Variants in CHRM5 observed in about 807,000 individuals in gnomAD.
The protein encoded by CHRM5 is cholinergic receptor muscarinic 5.
Under a neutral mutation model 39.0 loss-of-function variants are expected in CHRM5, and 18 were observed. The ratio of observed to expected loss-of-function variants is 0.46; its 90% CI spans 0.32 to 0.68. CHRM5 has a LOEUF of 0.68. Among genes scored for constraint, CHRM5 ranks in the 30% least tolerant of loss-of-function variants. CHRM5 has a pLI of 0.04. For synonymous variants in CHRM5, 241 were observed against 246.3 expected, an observed-to-expected ratio of 0.98 and a Z score of 0.20; for missense variants, 515 against 651.1, an observed-to-expected ratio of 0.79 and a Z score of 2.28.
intron 1 of CHRM5, among the ~76,000 whole-genome samples, chr15:33,980,448 G>A (rs79175788): frequency 1.3e-5 from 2 of 152,088 alleles, no homozygotes; most frequent in African/African-American, 2.4e-5. Context: ...CTCTCCAAAC[G>A]TGCTGCCTCC....
intron 1 of CHRM5, among the ~76,000 whole-genome samples, chr15:34,035,168 G>A (rs1453197546): frequency 6.6e-6 from 1 of 152,164 alleles, no homozygotes; most frequent in African/African-American, 2.4e-5. Context: ...CAAAGCAAAA[G>A]TTTGATCAGA....
chr15:33,981,962 T>C (rs1309026436), intron 1 of CHRM5, among the ~76,000 whole-genome samples: 1 of 152,028 alleles, frequency 6.6e-6, no homozygotes, highest in Non-Finnish European at 1.5e-5. Flanking sequence ...GCAATCCTCC[T>C]GCCTCAGCCT....
At chr15:33,979,389 A>T (rs2140519046) in intron 1 of CHRM5, among the ~76,000 whole-genome samples, 1 of 152,188 alleles carries the variant, frequency 6.6e-6, no homozygotes, top group Non-Finnish European at 1.5e-5. Flanking sequence ...TGTGGCTGTA[A>T]TCCCAGCTAC....
chr15:34,019,026 C>A (rs756316054), intron 1 of CHRM5, among the ~76,000 whole-genome samples: 1 of 151,320 alleles, frequency 6.6e-6, no homozygotes, highest in African/African-American at 2.4e-5. Context: ...AGACACAGAG[C>A]GCTGATTGGT....
chr15:34,062,554 C>CAAAAAAAAAA (rs10632153), intron 2 of CHRM5, 89 bp from the exon 3 acceptor site: 2 of 411,374 alleles, frequency 4.9e-6, no homozygotes, highest in Middle Eastern at 6.2e-4. Flanking sequence ...GATTCTGTCT[C>CAAAAAAAAAA]AAAAAAAAAA....
chr15:34,040,409 G>GT (rs1280717251), intron 1 of CHRM5, among the ~76,000 whole-genome samples: 1 of 152,184 alleles, frequency 6.6e-6, no homozygotes, highest in African/African-American at 2.4e-5. Flanking sequence ...GTAAATGGGA[G>GT]TAGGGGCGCC....
rs376314789 is a variant in CHRM5 at position 33,993,603 on chromosome 15, T to G, written c.-408+24453T>G. Reference sequence around the variant, plus strand: ...GAGTTTTATTCCTTTTATAAAGAGATCTGTAAAATAAAAAATTGATAATAC... The same window carrying G: ...GAGTTTTATTCCTTTTATAAAGAGAGCTGTAAAATAAAAAATTGATAATAC... On this transcript the variant is annotated intron_variant, in intron 1 of 2. Coordinates refer to ENST00000383263, the MANE Select transcript of CHRM5 (RefSeq NM_012125.4). Among the ~76,000 whole-genome samples the G allele has an allele frequency of 9.8e-5, 15 of 152,306 alleles. No individual in the cohort carries two copies. The East Asian group carries it at 1.5e-3, about 16-fold the overall frequency.
rs1190122780 is a variant in CHRM5 at position 34,065,484 on chromosome 15, T to A, written c.*1168T>A. On this transcript the variant is annotated 3_prime_UTR_variant, in exon 3 of 3. Coordinates refer to ENST00000383263, the MANE Select transcript of CHRM5 (RefSeq NM_012125.4). ...TGAGGTGGGGGTAGAAAGTCTTTTTTTATAGGTCCTTCAAATCAGGGCCTA... is the reference window on the plus strand; with the variant it reads ...TGAGGTGGGGGTAGAAAGTCTTTTTATATAGGTCCTTCAAATCAGGGCCTA... 6.6e-6 allele frequency: 1 copy of A among 152,176 alleles called. No homozygotes were observed. The highest frequency in any genetic ancestry group is 1.5e-5 in the Non-Finnish European group (1 of 68,036). 9.4% of individuals were successfully genotyped at this position (152,176 alleles called of 1,614,324 possible).
chr15:34,023,926 T>C (rs1008500624), intron 1 of CHRM5, among the ~76,000 whole-genome samples: 4 of 152,192 alleles, frequency 2.6e-5, no homozygotes, highest in Non-Finnish European at 4.4e-5. Context: ...TAGAGGACTC[T>C]ATCCAGAGAG....
intron 1 of CHRM5, among the ~76,000 whole-genome samples, chr15:33,984,586 G>C (rs1200262638): frequency 6.6e-6 from 1 of 152,076 alleles, no homozygotes; most frequent in Non-Finnish European, 1.5e-5. Context: ...ATTTTCAGTA[G>C]AGACAGGGTT....
intron 1 of CHRM5, among the ~76,000 whole-genome samples, chr15:34,043,257 A>G (rs1338958035): frequency 1.3e-5 from 2 of 152,112 alleles, no homozygotes; most frequent in African/African-American, 2.4e-5. Flanking sequence ...AAAAAAAAAA[A>G]AAAGACTATG....
intron 1 of CHRM5, among the ~76,000 whole-genome samples, chr15:34,037,228 G>C (rs928625700): frequency 8.6e-5 from 13 of 152,036 alleles, no homozygotes. Flanking sequence ...GTAAAGTCCT[G>C]TGCGCCAGAC....
intron 1 of CHRM5, among the ~76,000 whole-genome samples, chr15:34,007,991 A>T (rs929064118): frequency 1.3e-5 from 2 of 152,254 alleles, no homozygotes; most frequent in Non-Finnish European, 2.9e-5. Context: ...GTAAGACCTT[A>T]CTTTATCTTT....
Position 34,062,832 on chromosome 15 carries a change from G to A in CHRM5, c.115G>A (p.Val39Met), listed in dbSNP as rs762582950. Reference protein sequence around the residue: ...EVITIAAVTAVVSLITIVGNV... With the variant: ...EVITIAAVTAMVSLITIVGNV... ...CATCACCATTGCAGCTGTGACTGCTGTGGTAAGCCTGATCACCATTGTGGG... is the reference window on the plus strand; with the variant it reads ...CATCACCATTGCAGCTGTGACTGCTATGGTAAGCCTGATCACCATTGTGGG... The change falls in exon 3 of 3, where the codon GTG becomes ATG. Residue 39 changes from valine to methionine, a missense_variant. Coordinates refer to ENST00000383263, the MANE Select transcript of CHRM5 (RefSeq NM_012125.4). 3.1e-6 allele frequency: 5 copies of A among 1,614,216 alleles called. No individual in the cohort carries two copies. The highest frequency in any genetic ancestry group is 1.1e-5 in the South Asian group (1 of 91,086).
chr15:34,038,948 C>T lies in CHRM5; in HGVS notation c.-407-7592C>T, dbSNP rs1331312106. 23 of 1,102,304 alleles carry T rather than the reference C, an allele frequency of 2.1e-5. No individual in the cohort carries two copies. In the East Asian group the frequency reaches 7.4e-4, roughly 35 times the overall value. 68.3% of individuals were successfully genotyped at this position (1,102,304 alleles called of 1,614,324 possible). On this transcript the variant is annotated intron_variant, in intron 1 of 2. Transcript: ENST00000383263. ...CTCCGCCGCCGCCTCTGGCTACCGC[C>T]GCTGCGGCTCCGGGCCGCTCGCTGT...
chr15:34,045,777 C>T (rs988432348), intron 1 of CHRM5, among the ~76,000 whole-genome samples: 2 of 151,836 alleles, frequency 1.3e-5, no homozygotes, highest in Admixed American at 6.6e-5. Context: ...CAAGTCCACT[C>T]GACAAGAAAA....
intron 1 of CHRM5, chr15:34,038,836 C>A: frequency 8.4e-7 from 1 of 1,187,884 alleles, no homozygotes; most frequent in Non-Finnish European, 1.0e-6. Flanking sequence ...CCTCGCGGGG[C>A]GCCTCCTCCT....
intron 2 of CHRM5, among the ~76,000 whole-genome samples, chr15:34,052,278 G>C (rs763907718): frequency 6.6e-6 from 1 of 152,004 alleles, no homozygotes; most frequent in African/African-American, 2.4e-5. Flanking sequence ...TGCAGAAAAG[G>C]CTTTGAAAAA....
chr15:34,056,467 A>T (rs1401801949), intron 2 of CHRM5, among the ~76,000 whole-genome samples: 1 of 152,250 alleles, frequency 6.6e-6, no homozygotes, highest in East Asian at 1.9e-4. Flanking sequence ...TGTTAAGCCA[A>T]ATTAAGTAAT....
Sources: allele counts gnomAD v4.1 joint callset (sites outside exome capture counted in the v4.1 genomes callset), GRCh38; gene constraint gnomAD v4.1.1; transcripts MANE v1.5; gene names NCBI Gene and HGNC (gene_info 2026-07-23, HGNC 2026-07-21).